NCAPG2: variants seen among roughly 807,000 people sequenced by gnomAD.
The protein encoded by NCAPG2 is non-SMC condensin II complex subunit G2.
In NCAPG2, 53 loss-of-function variants were observed where a neutral mutation model predicts 141.1. That is an observed-to-expected ratio of 0.38 (90% CI 0.30 to 0.47). NCAPG2 has a LOEUF of 0.47. Among genes scored for constraint, NCAPG2 ranks in the 20% least tolerant of loss-of-function variants. The pLI is 0.99. For missense variants in NCAPG2, 1,087 were observed against 1,389.0 expected (o/e 0.78, Z 3.46); for synonymous variants, 499 against 490.7 (o/e 1.02, Z -0.22).
chr7:158,695,913 G>C (rs1344050511), intron 2 of NCAPG2, among the ~76,000 whole-genome samples: 1 of 152,214 alleles, frequency 6.6e-6, no homozygotes, highest in African/African-American at 2.4e-5. Flanking sequence ...GGGCCGGTGG[G>C]GTGGACATCC....
At chr7:158,690,746 C>G (rs777227275) in intron 4 of NCAPG2, 24 bp from the exon 5 acceptor site, 1 of 1,602,910 alleles carries the variant, frequency 6.2e-7, no homozygotes, top group South Asian at 1.1e-5. Context: ...CAGTAATTTT[C>G]CAATTAGTAA....
chr7:158,682,239 T>C (rs1425187254), intron 9 of NCAPG2, among the ~76,000 whole-genome samples: 1 of 152,020 alleles, frequency 6.6e-6, no homozygotes, highest in Non-Finnish European at 1.5e-5. Flanking sequence ...CATAAATACA[T>C]AGTTTAATGC....
At chr7:158,683,868 G>C (rs1834593065) in intron 8 of NCAPG2, among the ~76,000 whole-genome samples, 1 of 152,226 alleles carries the variant, frequency 6.6e-6, no homozygotes, top group Admixed American at 6.5e-5. Context: ...GGCTGAGCAA[G>C]GAAGGTGTGT....
intron 13 of NCAPG2, chr7:158,667,334 T>C (rs1164787914): frequency 1.9e-5 from 2 of 105,762 alleles, no homozygotes; most frequent in Non-Finnish European, 2.2e-5. Flanking sequence ...CCTCCGCTAC[T>C]GTGTCCCTCC....
chr7:158,640,052 C>CAAAAAAAAAAAAAAAAAAAAAAAAAAACA (rs58368997), intron 27 of NCAPG2: 3 of 98,324 alleles, frequency 3.1e-5, no homozygotes, highest in Admixed American at 1.1e-4. Flanking sequence ...GAATAAATGC[C>CAAAAAAAAAAAAAAAAAAAAAAAAAAACA]AAAAAAAAAA....
chr7:158,695,851 C>G lies in NCAPG2; in HGVS notation c.79-2354G>C, dbSNP rs1009227506. Among the ~76,000 whole-genome samples, 5 of 152,234 alleles carry G rather than the reference C, an allele frequency of 3.3e-5. No individual in the cohort carries two copies. The East Asian group carries it at 9.6e-4, about 29-fold the overall frequency. On this transcript the variant is annotated intron_variant, in intron 2 of 27. Transcript: ENST00000356309. Reference sequence around the variant, plus strand: ...ATCCTTCCACAACCACCTCCAGCCCCCGGATGCAGAAGCTGTGCAGCCCTG... The same window carrying G: ...ATCCTTCCACAACCACCTCCAGCCCGCGGATGCAGAAGCTGTGCAGCCCTG...
At chr7:158,642,304 G>A (rs574858916) in intron 27 of NCAPG2, among the ~76,000 whole-genome samples, 7 of 152,322 alleles carry the variant, frequency 4.6e-5, no homozygotes, top group East Asian at 1.9e-4. Flanking sequence ...TTAGGAGGCC[G>A]CAGGAGGCTT....
At chr7:158,664,830 C>T in intron 13 of NCAPG2, 80 bp from the exon 14 acceptor site, 1 of 1,243,612 alleles carries the variant, frequency 8.0e-7, no homozygotes, top group Admixed American at 2.8e-5. Context: ...AAATTTCAAG[C>T]ACAACCAAAA....
At chr7:158,674,651 C>A (rs1028869327) in intron 12 of NCAPG2, among the ~76,000 whole-genome samples, 43 of 152,346 alleles carry the variant, frequency 2.8e-4, no homozygotes, top group Non-Finnish European at 5.3e-4. Context: ...GGAGGAAGAT[C>A]CACAGAAGCT....
intron 2 of NCAPG2, among the ~76,000 whole-genome samples, chr7:158,697,605 G>GAAAAAAAAA (rs200908688): frequency 1.2e-5 from 1 of 81,760 alleles, no homozygotes. Flanking sequence ...CAACTGAAAA[G>GAAAAAAAAA]AAAAAAAAAA....
chr7:158,666,021 A>T (rs1010382197), intron 13 of NCAPG2, among the ~76,000 whole-genome samples: 2 of 150,544 alleles, frequency 1.3e-5, no homozygotes, highest in Non-Finnish European at 3.0e-5. Context: ...CAACCCCAGT[A>T]CTTCAAGCAG....
intron 12 of NCAPG2, among the ~76,000 whole-genome samples, chr7:158,672,995 T>C (rs1163571754): frequency 6.6e-6 from 1 of 152,224 alleles, no homozygotes; most frequent in Non-Finnish European, 1.5e-5. Context: ...AGAGTGGCCC[T>C]GCAAGGGTTT....
intron 9 of NCAPG2, 26 bp downstream of exon 9, chr7:158,683,274 C>T: frequency 1.4e-6 from 2 of 1,453,186 alleles, no homozygotes; most frequent in Non-Finnish European, 1.8e-6. Context: ...AACATTATTT[C>T]AAAAACAATC....
In NCAPG2 at chr7:158,655,471, C is replaced by T; in HGVS notation, c.2389-16G>A. The T allele has an allele frequency of 1.2e-6, 2 of 1,603,490 alleles. No individual in the cohort carries two copies. Among genetic ancestry groups the T allele is most frequent in the South Asian group, 2.2e-5 (2 of 90,844 alleles). On this transcript the variant is annotated splice_polypyrimidine_tract_variant and intron_variant, in intron 19 of 27. Coordinates refer to ENST00000356309, the MANE Select transcript of NCAPG2 (RefSeq NM_017760.7). ...CCAGATCTGCCTGTAATAGAAAAAA[C>T]CCAAGGGCCACATGCTGACTGACAA...
intron 24 of NCAPG2, among the ~76,000 whole-genome samples, chr7:158,648,343 A>C (rs1831184669): frequency 6.6e-6 from 1 of 152,200 alleles, no homozygotes; most frequent in Non-Finnish European, 1.5e-5. Flanking sequence ...TAAAGTCAAC[A>C]GAGATAAAAT....
rs189065330 is a variant in NCAPG2, at chr7:158,690,463, C to G, written c.537+105G>C. 7.9e-6 allele frequency: 9 copies of G among 1,140,956 alleles called. No homozygotes were observed. The African/African-American group carries it at 1.2e-4, about 16-fold the overall frequency. 70.7% of individuals were successfully genotyped at this position (1,140,956 alleles called of 1,614,324 possible). A position where few individuals can be genotyped will look rare whatever the true frequency, so the allele number is the denominator to read the frequency against. On this transcript the variant is annotated intron_variant, in intron 5 of 27. Coordinates refer to ENST00000356309, the MANE Select transcript of NCAPG2 (RefSeq NM_017760.7). Reference sequence around the variant, plus strand: ...GAGAGGCTGAGGCAGGAGGATTGCTCGAGCCCAGGAGTTTGAGGCTGCAGT... The same window carrying G: ...GAGAGGCTGAGGCAGGAGGATTGCTGGAGCCCAGGAGTTTGAGGCTGCAGT...
At position 158,655,462 on chromosome 7, in the gene NCAPG2, T is replaced by C. The variant is rs373429034; in HGVS notation, c.2389-7A>G. ...GAAGTGACTCCAGATCTGCCTGTAA[T>C]AGAAAAAACCCAAGGGCCACATGCT... On this transcript the variant is annotated splice_region_variant and splice_polypyrimidine_tract_variant and intron_variant, in intron 19 of 27. Transcript: ENST00000356309. The C allele has an allele frequency of 3.4e-4, 541 of 1,612,464 alleles. 1 individual carries two copies. Among genetic ancestry groups the C allele is most frequent in the African/African-American group, 3.2e-3 (242 of 74,872 alleles).
intron 16 of NCAPG2, 147 bp downstream of exon 16, chr7:158,662,047 T>C (rs1338824686): frequency 2.3e-5 from 17 of 726,808 alleles, no homozygotes; most frequent in Non-Finnish European, 1.0e-5. Context: ...AAAGAAACTA[T>C]ACTGCAAGGT....
In NCAPG2 at chr7:158,668,286, GTGTCCCTAGGCCCTC is replaced by G. The variant is rs1563543062; in HGVS notation, c.1479+3213_1479+3227del. 19 of 864,836 alleles carry G rather than the reference GTGTCCCTAGGCCCTC, an allele frequency of 2.2e-5. No homozygotes were observed. In the East Asian group the frequency reaches 4.7e-4, roughly 21 times the overall value. The allele number at this position is 864,836 out of a possible 1,614,324, so 53.6% of individuals were successfully genotyped here. ...TCCCTCTGCCCTCCTTACCTACCTT[GTGTCCCTAGGCCCTC>G]CCTTACCCACTACTGGGTCCCTCCG... On this transcript the variant is annotated intron_variant, in intron 13 of 27. Transcript: ENST00000356309.
Sources: allele counts gnomAD v4.1 joint callset (sites outside exome capture counted in the v4.1 genomes callset), GRCh38; gene constraint gnomAD v4.1.1; transcripts MANE v1.5; gene names NCBI Gene and HGNC (gene_info 2026-07-23, HGNC 2026-07-21).